The following DOT1L variants were observed in gnomAD, a reference collection of about 807,000 sequenced individuals.
DOT1L encodes histone-lysine N-methyltransferase, H3 lysine-79 specific.
In DOT1L, 33 loss-of-function variants were observed where a neutral mutation model predicts 153.3. The ratio of observed to expected loss-of-function variants is 0.22; its 90% confidence interval spans 0.16 to 0.29. The LOEUF is 0.29. Ranked by LOEUF, DOT1L falls within the 10% of genes least tolerant of loss-of-function variation. The pLI is 1.00. For synonymous variants in DOT1L, 1,135 were observed against 965.1 expected (o/e 1.18, Z -3.26); for missense variants, 1,847 against 2,119.9 (o/e 0.87, Z 2.53).
At position 2,180,807 on chromosome 19, in the gene DOT1L, G is replaced by A. The variant is rs373453243; in HGVS notation, c.125+51G>A. On this transcript the variant is annotated intron_variant, in intron 2 of 27. Coordinates refer to ENST00000398665, the MANE Select transcript of DOT1L (RefSeq NM_032482.3). ...GTCTTCACAGCCCTGAGCCACTTCC[G>A]TGGACACCCGTGCCCTGCAGATTCT... The A allele has an allele frequency of 3.9e-5, 62 of 1,604,628 alleles. 1 individual carries two copies. The highest frequency in any genetic ancestry group is 1.7e-4 in the African/African-American group (13 of 74,782).
rs1215400260 is a variant in DOT1L at position 2,227,056 on chromosome 19, C to A, written c.4535C>A (p.Ser1512Tyr). The change falls in exon 27 of 28, where the codon TCC (serine) becomes TAC (tyrosine). Residue 1512 changes from serine to tyrosine, a missense_variant. Coordinates refer to ENST00000398665, the MANE Select transcript of DOT1L (RefSeq NM_032482.3). ...GCCGCAGGCCTGGTGCACGTGTCGT[C>A]CGCTGCCACCAGACTGACCAACTCG... is the stretch of plus-strand genomic sequence containing the variant. Reference protein sequence around the residue: ...PAAAGLVHVSSAATRLTNSHA... With the variant: ...PAAAGLVHVSYAATRLTNSHA... 1 of 1,574,342 alleles carries A rather than the reference C, an allele frequency of 6.4e-7. No homozygotes were observed.
intron 15 of DOT1L, among the ~76,000 whole-genome samples, chr19:2,211,539 G>T (rs770183222): frequency 8.5e-5 from 13 of 152,232 alleles, no homozygotes; most frequent in African/African-American, 3.1e-4. Flanking sequence ...GGCCCCACGC[G>T]GTGAACACTT....
At chr19:2,227,744 T>C (rs1364305646) in intron 27 of DOT1L, 1 of 1,317,198 alleles carries the variant, frequency 7.6e-7, no homozygotes, top group Non-Finnish European at 1.0e-6. Context: ...CAGGTGTCTT[T>C]AACCACGCGG....
At chr19:2,173,927 A>C (rs1015834512) in intron 1 of DOT1L, among the ~76,000 whole-genome samples, 1 of 152,156 alleles carries the variant, frequency 6.6e-6, no homozygotes, top group Non-Finnish European at 1.5e-5. Context: ...GACTGTTTCC[A>C]GGGAACTCCT....
At chr19:2,194,322 C>A (rs2022925074) in intron 6 of DOT1L, among the ~76,000 whole-genome samples, 193 bp from the exon 7 acceptor site, 1 of 152,154 alleles carries the variant, frequency 6.6e-6, no homozygotes, top group African/African-American at 2.4e-5. Flanking sequence ...AGGCGCCCCC[C>A]AACACACCCA....
intron 4 of DOT1L, 37 bp downstream of exon 4, chr19:2,189,832 TGCCAGG>T (rs747205311): frequency 5.6e-6 from 9 of 1,608,544 alleles, no homozygotes; most frequent in Non-Finnish European, 7.6e-6. Flanking sequence ...GGGTTAGTAG[TGCCAGG>T]CTCCCGGACC....
rs748665286 is a variant in DOT1L, at chr19:2,227,197, C to T, written c.4606+70C>T. On this transcript the variant is annotated intron_variant, in intron 27 of 27. Transcript: ENST00000398665. ...CGGAGGCCCCTTCCTTTGCAGGTTCCCTTCCGCACTCTCTTGCAGCAGGAG... is the reference window on the plus strand; with the variant it reads ...CGGAGGCCCCTTCCTTTGCAGGTTCTCTTCCGCACTCTCTTGCAGCAGGAG... 1.0e-5 allele frequency: 16 copies of T among 1,556,602 alleles called. 1 individual carries two copies. The East Asian group carries it at 2.5e-4, about 24-fold the overall frequency.
rs1051955712 is a variant in DOT1L, at chr19:2,207,021, A to T, written c.856+224A>T. ...GCGACAACCACACACGTCCCCATAGAGCACTGTGTGCCATGGGGGTAGAAT... is the reference window on the plus strand; with the variant it reads ...GCGACAACCACACACGTCCCCATAGTGCACTGTGTGCCATGGGGGTAGAAT... On this transcript the variant is annotated intron_variant, in intron 10 of 27. Transcript: ENST00000398665. The surrounding 1 kb of genome is among the most constrained non-coding windows in gnomAD (Gnocchi z 4.5). Among the ~76,000 whole-genome samples the T allele has an allele frequency of 1.3e-5, 2 of 152,138 alleles. No homozygotes were observed. The highest frequency in any genetic ancestry group is 4.8e-5 in the African/African-American group (2 of 41,434).
intron 18 of DOT1L, 91 bp downstream of exon 18, chr19:2,214,077 G>A: frequency 6.7e-7 from 1 of 1,503,186 alleles, no homozygotes; most frequent in Non-Finnish European, 8.9e-7. Flanking sequence ...GGCTCTGGAA[G>A]GCCCGCCTCT....
rs1283253106 is a variant in DOT1L, at chr19:2,231,256, C to G, written c.*1464C>G. 1 of 226,926 alleles carries G rather than the reference C, an allele frequency of 4.4e-6. No individual in the cohort carries two copies. The highest frequency in any genetic ancestry group is 2.2e-5 in the African/African-American group (1 of 44,962). 14.1% of individuals were successfully genotyped at this position (226,926 alleles called of 1,614,324 possible). A position where few individuals can be genotyped will look rare whatever the true frequency, so the allele number is the denominator to read the frequency against. Reference sequence around the variant, plus strand: ...GAGCCCACCTTCTCAAGTGCTTGCTCCTGTGAGATGGCATCGGGGAGCCCC... The same window carrying G: ...GAGCCCACCTTCTCAAGTGCTTGCTGCTGTGAGATGGCATCGGGGAGCCCC... On this transcript the variant is annotated 3_prime_UTR_variant, in exon 28 of 28. Coordinates refer to ENST00000398665, the MANE Select transcript of DOT1L (RefSeq NM_032482.3).
rs752404064 is a variant in DOT1L, at chr19:2,222,330, G to GCAC, written c.3163_3164insCCA (p.Gly1054_Ser1055insThr). 6.2e-7 allele frequency: 1 copy of GCAC among 1,612,734 alleles called. No individual in the cohort carries two copies. Among genetic ancestry groups the GCAC allele is most frequent in the African/African-American group, 1.3e-5 (1 of 74,928 alleles). ...GTGTTCACCATCACCACTGGTGCGGGCAGTGCCAAGCAGTCGCCCTCCAGC... is the reference window on the plus strand; with the variant it reads ...GTGTTCACCATCACCACTGGTGCGGGCACCAGTGCCAAGCAGTCGCCCTCCAGC... On this transcript the variant is annotated inframe_insertion, in exon 24 of 28. Transcript: ENST00000398665. This position sits in a 1 kb window ranked among gnomAD's most constrained non-coding sequence, Gnocchi z 6.5.
At position 2,217,643 on chromosome 19, in the gene DOT1L, GTTGCAGGGCC is replaced by G; in HGVS notation, c.2545-125_2545-116del. 7.3e-7 allele frequency: 1 copy of G among 1,363,454 alleles called. No individual in the cohort carries two copies. Among genetic ancestry groups the G allele is most frequent in the Admixed American group, 2.2e-5 (1 of 45,310 alleles). The allele number at this position is 1,363,454 out of a possible 1,614,324, so 84.5% of individuals were successfully genotyped here. A position where few individuals can be genotyped will look rare whatever the true frequency, so the allele number is the denominator to read the frequency against. Reference sequence around the variant, plus strand: ...AGGAGGGCCTGACTGCGTGGGGAAGGTTGCAGGGCCTTGGCAGCGTGGGGGCCGCCTTGAG... The same window carrying G: ...AGGAGGGCCTGACTGCGTGGGGAAGGTTGGCAGCGTGGGGGCCGCCTTGAG... On this transcript the variant is annotated intron_variant, in intron 21 of 27. Transcript: ENST00000398665. The surrounding 1 kb of genome is among the most constrained non-coding windows in gnomAD (Gnocchi z 7.3).
chr19:2,216,749 A>T lies in DOT1L; in HGVS notation c.2392A>T (p.Ser798Cys). The part of the protein sequence containing the change: ...DHTVPGRPAA[S>C]ELHSRAEHTK... ...CACGGTGCCCGGCAGGCCGGCTGCC[A>T]GTGAGCTGCATTCGAGGTGAGTGCC... Residue 798 changes from serine to cysteine, a missense_variant, in exon 20 of 28, where the codon AGT (serine) becomes TGT (cysteine). Coordinates refer to ENST00000398665, the MANE Select transcript of DOT1L (RefSeq NM_032482.3). 6.3e-7 allele frequency: 1 copy of T among 1,593,364 alleles called. No homozygotes were observed. The highest frequency in any genetic ancestry group is 8.5e-7 in the Non-Finnish European group (1 of 1,174,514).
In DOT1L at chr19:2,228,328, C is replaced by CAAA. The variant is rs748584462; in HGVS notation, c.4606+1201_4606+1202insAAA. On this transcript the variant is annotated intron_variant, in intron 27 of 27. Transcript: ENST00000398665. ...CCGCCTCCCTATGCCGCGCACCTTTCGGGGGTTAAGCCGCGATAAAGACCT... is the reference window on the plus strand; with the variant it reads ...CCGCCTCCCTATGCCGCGCACCTTTCAAAGGGGGTTAAGCCGCGATAAAGACCT... 42 of 1,335,100 alleles carry CAAA rather than the reference C, an allele frequency of 3.1e-5. No individual in the cohort carries two copies. The South Asian group carries it at 5.0e-4, about 16-fold the overall frequency. The allele number at this position is 1,335,100 out of a possible 1,614,324, so 82.7% of individuals were successfully genotyped here. A position where few individuals can be genotyped will look rare whatever the true frequency, so the allele number is the denominator to read the frequency against.
intron 6 of DOT1L, 105 bp from the exon 7 acceptor site, chr19:2,194,410 A>G (rs1408113890): frequency 3.5e-5 from 44 of 1,259,724 alleles, no homozygotes; most frequent in Non-Finnish European, 5.1e-5. Flanking sequence ...TGACCTCATG[A>G]TCCGCCCTCC....
rs990585386 is a variant in DOT1L, at chr19:2,230,007, T to C, written c.*215T>C. 3.7e-5 allele frequency: 27 copies of C among 736,254 alleles called. No homozygotes were observed. Among genetic ancestry groups the C allele is most frequent in the Admixed American group, 1.2e-4 (4 of 32,796 alleles). 45.6% of individuals were successfully genotyped at this position (736,254 alleles called of 1,614,324 possible). On this transcript the variant is annotated 3_prime_UTR_variant, in exon 28 of 28. Transcript: ENST00000398665. ...TTTTAGATAAAGTATTTATCATTTT[T>C]TAAAAAGTATAAACAATTCTGACTT... is the stretch of plus-strand genomic sequence containing the variant.
At chr19:2,198,606 C>T (rs376280157) in intron 7 of DOT1L, among the ~76,000 whole-genome samples, 19 of 152,348 alleles carry the variant, frequency 1.2e-4, no homozygotes, top group East Asian at 7.7e-4. Context: ...TCCTGAGAGA[C>T]GCTGGGTGGG....
intron 2 of DOT1L, 148 bp from the exon 3 acceptor site, chr19:2,185,707 T>G (rs188668133): frequency 1.3e-6 from 1 of 760,946 alleles, no homozygotes; most frequent in East Asian, 2.7e-5. Flanking sequence ...AGGCGGAGCT[T>G]GCAGTGAGCC....
At chr19:2,176,003 C>A (rs1240419034) in intron 1 of DOT1L, among the ~76,000 whole-genome samples, 1 of 152,190 alleles carries the variant, frequency 6.6e-6, no homozygotes, top group Non-Finnish European at 1.5e-5. Context: ...GATGATCACC[C>A]AACCTCTGTG....
Sources: allele counts gnomAD v4.1 joint callset (sites outside exome capture counted in the v4.1 genomes callset), GRCh38; gene constraint gnomAD v4.1.1; non-coding constraint Gnocchi (gnomAD v3.1); transcripts MANE v1.5; gene names NCBI Gene and HGNC (gene_info 2026-07-23, HGNC 2026-07-21).